Variants in RAB5A observed in about 807,000 individuals in gnomAD.
The protein encoded by RAB5A is ras-related protein Rab-5A.
RAB5A carries 8 observed loss-of-function variants against 25.7 expected under a neutral mutation model. That is an observed-to-expected ratio of 0.31 (90% CI 0.18 to 0.56). The LOEUF (loss-of-function observed/expected upper bound fraction) is 0.56. Among genes scored for constraint, RAB5A ranks in the 20% least tolerant of loss-of-function variants. The pLI is 0.91. For synonymous variants in RAB5A, 98 were observed against 89.8 expected (o/e 1.09, Z -0.52); for missense variants, 192 against 259.7 (o/e 0.74, Z 1.79).
intron 2 of RAB5A, among the ~76,000 whole-genome samples, chr3:19,955,956 T>C (rs1696495517): frequency 6.6e-6 from 1 of 152,200 alleles, no homozygotes; most frequent in Admixed American, 6.5e-5. Flanking sequence ...TATGTACTGC[T>C]CACATTACAT....
intron 2 of RAB5A, among the ~76,000 whole-genome samples, chr3:19,971,433 T>C (rs1049805621): frequency 2.6e-5 from 4 of 152,014 alleles, no homozygotes; most frequent in African/African-American, 9.7e-5. Context: ...TTATGCTTTA[T>C]CATACCACAT....
intron 2 of RAB5A, among the ~76,000 whole-genome samples, chr3:19,974,218 G>A (rs1397884429): frequency 6.6e-6 from 1 of 150,764 alleles, no homozygotes; most frequent in Non-Finnish European, 1.5e-5. Context: ...GCAGTGGTGC[G>A]ATCTCAGCTC....
At chr3:19,980,723 T>C (rs1217210432) in intron 5 of RAB5A, among the ~76,000 whole-genome samples, 1 of 152,170 alleles carries the variant, frequency 6.6e-6, no homozygotes, top group Non-Finnish European at 1.5e-5. Context: ...TGTTCAACAT[T>C]TCTGGGGCTT....
chr3:19,975,582 TGTA>T lies in RAB5A; in HGVS notation c.164-16_164-14del, dbSNP rs1381553152. The T allele has an allele frequency of 6.2e-7, 1 of 1,609,032 alleles. No homozygotes were observed. Among genetic ancestry groups the T allele is most frequent in the Non-Finnish European group, 8.5e-7 (1 of 1,178,304 alleles). ...ATTTGGAGAAAAATGATTGACTTAT[TGTA>T]GTCCTTTTCTTTCAGCTGCTTTTCT... On this transcript the variant is annotated splice_polypyrimidine_tract_variant and intron_variant, in intron 2 of 5. Coordinates refer to ENST00000273047, the MANE Select transcript of RAB5A (RefSeq NM_004162.5).
intron 5 of RAB5A, chr3:19,978,697 TCAGA>T (rs1483204346): frequency 1.2e-4 from 25 of 205,858 alleles, no homozygotes; most frequent in South Asian, 1.7e-4. Flanking sequence ...ACCTGATAGT[TCAGA>T]CAGACAGATT....
intron 2 of RAB5A, among the ~76,000 whole-genome samples, chr3:19,968,330 G>T (rs997460390): frequency 6.6e-6 from 1 of 150,740 alleles, no homozygotes; most frequent in Non-Finnish European, 1.5e-5. Context: ...ATTTACTACC[G>T]AAAATTGAAA....
intron 2 of RAB5A, 132 bp downstream of exon 2, chr3:19,951,193 C>T: frequency 1.9e-6 from 2 of 1,027,526 alleles, no homozygotes; most frequent in Non-Finnish European, 2.7e-6. Context: ...TTCAGCTTAC[C>T]TTAGCTTTAA....
chr3:19,979,130 C>A (rs964276396), intron 5 of RAB5A, among the ~76,000 whole-genome samples: 2 of 152,070 alleles, frequency 1.3e-5, no homozygotes, highest in Non-Finnish European at 2.9e-5. Context: ...GTGCACACCA[C>A]CACGCCCAGC....
At chr3:19,983,633 A>G in intron 5 of RAB5A, 75 bp from the exon 6 acceptor site, 2 of 1,016,754 alleles carry the variant, frequency 2.0e-6, no homozygotes, top group Non-Finnish European at 3.0e-6. Context: ...GGAAAGAAAA[A>G]TTATAGATAA....
At chr3:19,951,187 G>T in intron 2 of RAB5A, 126 bp downstream of exon 2, 1 of 1,034,530 alleles carries the variant, frequency 9.7e-7, no homozygotes, top group Non-Finnish European at 1.4e-6. Flanking sequence ...GAGCTGTTCA[G>T]CTTACCTTAG....
chr3:19,971,479 T>TGG (rs1350242377), intron 2 of RAB5A, among the ~76,000 whole-genome samples: 20 of 151,996 alleles, frequency 1.3e-4, no homozygotes, highest in Non-Finnish European at 2.4e-4. Flanking sequence ...GTGGTGGTGG[T>TGG]TGTTGTTTTG....
intron 2 of RAB5A, among the ~76,000 whole-genome samples, chr3:19,952,500 C>G (rs549596051): frequency 1.1e-4 from 17 of 152,310 alleles, no homozygotes; most frequent in African/African-American, 3.8e-4. Flanking sequence ...TTATACTGTG[C>G]ATTTAGTGAA....
intron 4 of RAB5A, among the ~76,000 whole-genome samples, 192 bp downstream of exon 4, chr3:19,976,361 A>G (rs1392356586): frequency 1.3e-5 from 2 of 152,220 alleles, no homozygotes; most frequent in Non-Finnish European, 2.9e-5. Context: ...GATTATTGTA[A>G]TATATAAACT....
Position 19,978,300 on chromosome 3 carries a change from CT to C in RAB5A, c.439-9del. On this transcript the variant is annotated splice_polypyrimidine_tract_variant and intron_variant, in intron 4 of 5. Coordinates refer to ENST00000273047, the MANE Select transcript of RAB5A (RefSeq NM_004162.5). ...TATCTCATATATCTCATTTTTTGTT[CT>C]GTAAACAGGAAGCACAGTCCTATGC... 1 of 1,581,680 alleles carries C rather than the reference CT, an allele frequency of 6.3e-7. No individual in the cohort carries two copies. The highest frequency in any genetic ancestry group is 8.7e-7 in the Non-Finnish European group (1 of 1,152,694).
At position 19,947,437 on chromosome 3, in the gene RAB5A, T is replaced by TA. The variant is rs1696327875; in HGVS notation, c.-177dup. Reference sequence around the variant, plus strand: ...GCCGCCGCCGCCACCACCACCGCCATAGATACACTCTCATCCTACGGGCCA... The same window carrying TA: ...GCCGCCGCCGCCACCACCACCGCCATAAGATACACTCTCATCCTACGGGCCA... On this transcript the variant is annotated 5_prime_UTR_variant, in exon 1 of 6. Coordinates refer to ENST00000273047, the MANE Select transcript of RAB5A (RefSeq NM_004162.5). 1 of 157,066 alleles carries TA rather than the reference T, an allele frequency of 6.4e-6. No homozygotes were observed. The highest frequency in any genetic ancestry group is 1.4e-5 in the Non-Finnish European group (1 of 71,644). The allele number at this position is 157,066 out of a possible 1,614,324, so 9.7% of individuals were successfully genotyped here.
intron 2 of RAB5A, among the ~76,000 whole-genome samples, chr3:19,975,270 A>G (rs1187857012): frequency 6.6e-6 from 1 of 151,884 alleles, no homozygotes; most frequent in African/African-American, 2.4e-5. Flanking sequence ...TTTATTTAGT[A>G]TTATAACAAG....
chr3:19,984,955 A>C lies in RAB5A; in HGVS notation c.*1132A>C, dbSNP rs1697004752. 6.4e-6 allele frequency: 1 copy of C among 155,754 alleles called. No homozygotes were observed. The highest frequency in any genetic ancestry group is 1.9e-4 in the East Asian group (1 of 5,272). The allele number at this position is 155,754 out of a possible 1,614,324, so 9.6% of individuals were successfully genotyped here. ...ACAATCTTGCAGCCTTCCTTTCCAA[A>C]GTTCATTTTATTTTGATCAGTTCAG... On this transcript the variant is annotated 3_prime_UTR_variant, in exon 6 of 6. Transcript: ENST00000273047.
chr3:19,982,743 C>G (rs1445938343), intron 5 of RAB5A, among the ~76,000 whole-genome samples: 3 of 145,092 alleles, frequency 2.1e-5, no homozygotes, highest in African/African-American at 7.8e-5. Context: ...TCCTGGGTGA[C>G]AGAGTGAGAC....
At chr3:19,981,924 A>C (rs1696936511) in intron 5 of RAB5A, among the ~76,000 whole-genome samples, 1 of 152,196 alleles carries the variant, frequency 6.6e-6, no homozygotes, top group Non-Finnish European at 1.5e-5. Flanking sequence ...CTGGTCAGTC[A>C]GATTAGGATT....
Sources: allele counts gnomAD v4.1 joint callset (sites outside exome capture counted in the v4.1 genomes callset), GRCh38; gene constraint gnomAD v4.1.1; transcripts MANE v1.5; gene names NCBI Gene and HGNC (gene_info 2026-07-23, HGNC 2026-07-21).